The following ECH1 variants were observed in gnomAD, a reference collection of about 807,000 sequenced individuals.
ECH1 encodes enoyl-CoA hydratase 1, also known as delta(3,5)-Delta(2,4)-dienoyl-CoA isomerase, mitochondrial.
In ECH1, 30 loss-of-function variants were observed where a neutral mutation model predicts 37.0. That is an observed-to-expected ratio of 0.81 (90% confidence interval 0.61 to 1.10). ECH1 has a LOEUF of 1.10. ECH1 is among the 50% of genes least tolerant of loss of function. The pLI is 0.00. For synonymous variants in ECH1, 178 were observed against 176.0 expected (o/e 1.01, Z -0.09); for missense variants, 456 against 441.6 (o/e 1.03, Z -0.29).
At chr19:38,816,056 C>A in intron 8 of ECH1, 49 bp from the exon 9 acceptor site, 1 of 1,605,850 alleles carries the variant, frequency 6.2e-7, no homozygotes, top group African/African-American at 1.3e-5. Flanking sequence ...GGGCTCTCTC[C>A]TCCAGCCTCC....
In ECH1 at chr19:38,815,702, T is replaced by A; in HGVS notation, c.898A>T (p.Ser300Cys). ...SLNYVASWNM[S>C]MLQTQDLVKS... ...ACGAGGTCTTGGGTCTGCAGCATGC[T>A]CATGTTCCAGGACGCCTGGTACCGA... Residue 300 changes from serine (S) to cysteine (C), a missense_variant, in exon 10 of 10, where the codon AGC becomes TGC. Physicochemically the swap from Ser to Cys is moderately radical, Grantham distance 112 (BLOSUM62 -1). Transcript: ENST00000221418. 6.2e-7 allele frequency: 1 copy of A among 1,614,142 alleles called. No homozygotes were observed. Among genetic ancestry groups the A allele is most frequent in the Non-Finnish European group, 8.5e-7 (1 of 1,180,030 alleles).
intron 3 of ECH1, among the ~76,000 whole-genome samples, chr19:38,821,574 C>T (rs984158448): frequency 3.9e-5 from 6 of 152,148 alleles, no homozygotes; most frequent in South Asian, 2.1e-4. Flanking sequence ...GTGAGCTCGG[C>T]GACCCCGCAC....
intron 6 of ECH1, chr19:38,816,815 C>G: frequency 1.6e-6 from 1 of 623,906 alleles, no homozygotes; most frequent in Non-Finnish European, 2.8e-6. Flanking sequence ...CTGCATCCCC[C>G]GGCTCCATCC....
intron 1 of ECH1, 82 bp downstream of exon 1, chr19:38,831,639 C>T (rs967424960): frequency 1.1e-5 from 17 of 1,587,968 alleles, no homozygotes; most frequent in African/African-American, 1.3e-5. Context: ...CCCTTCGTGA[C>T]CCCGGATAGC....
chr19:38,817,151 T>C (rs752720527), intron 5 of ECH1, 22 bp from the exon 6 acceptor site: 1 of 1,560,024 alleles, frequency 6.4e-7, no homozygotes, highest in Non-Finnish European at 8.7e-7. Flanking sequence ...AGGCCAGGGA[T>C]GCTGAATGAC....
intron 3 of ECH1, among the ~76,000 whole-genome samples, chr19:38,821,318 G>T (rs1778927441): frequency 6.6e-6 from 1 of 152,116 alleles, no homozygotes; most frequent in African/African-American, 2.4e-5. Context: ...AAAAATGAAA[G>T]AAAGAGAGAG....
At chr19:38,817,926 C>T (rs773874602) in intron 3 of ECH1, among the ~76,000 whole-genome samples, 2 of 152,154 alleles carry the variant, frequency 1.3e-5, no homozygotes, top group Non-Finnish European at 2.9e-5. Context: ...TAAATTAACT[C>T]ATTAATGTTT....
In ECH1 at chr19:38,831,648, G is replaced by A. The variant is rs977520191; in HGVS notation, c.52+73C>T. On this transcript the variant is annotated intron_variant, in intron 1 of 9. Transcript: ENST00000221418. ...CTCGGGCCCTTCGTGACCCCGGATA[G>A]CCCTCCCCGTCCTACATCTGCTATA... 6.3e-6 allele frequency: 10 copies of A among 1,594,948 alleles called. No homozygotes were observed. The East Asian group carries it at 2.0e-4, about 33-fold the overall frequency.
At chr19:38,817,658 C>G (rs1269442688) in intron 3 of ECH1, 83 bp from the exon 4 acceptor site, 15 of 1,471,092 alleles carry the variant, frequency 1.0e-5, no homozygotes, top group Non-Finnish European at 1.4e-5. Flanking sequence ...CCAGGCACAG[C>G]AGGTTCGAAC....
intron 3 of ECH1, among the ~76,000 whole-genome samples, chr19:38,819,699 A>G (rs1971633478): frequency 6.6e-6 from 1 of 152,104 alleles, no homozygotes. Flanking sequence ...CAATCCCAGC[A>G]CTTTGGAAGG....
At chr19:38,822,803 G>T (rs1384563905) in intron 3 of ECH1, among the ~76,000 whole-genome samples, 1 of 152,252 alleles carries the variant, frequency 6.6e-6, no homozygotes, top group Non-Finnish European at 1.5e-5. Flanking sequence ...GGTGGGGACA[G>T]ATAAGGGAAT....
In ECH1 at chr19:38,815,533, T is replaced by C; in HGVS notation, c.*80A>G. On this transcript the variant is annotated 3_prime_UTR_variant, in exon 10 of 10. Coordinates refer to ENST00000221418, the MANE Select transcript of ECH1 (RefSeq NM_001398.3). ...CTGGGTCAGAAGGCATAGAAACAAC[T>C]GTCATCGCCCATCCTCCCTTTCTGT... is the stretch of plus-strand genomic sequence containing the variant. The C allele has an allele frequency of 7.2e-7, 1 of 1,380,186 alleles. No homozygotes were observed. The allele number at this position is 1,380,186 out of a possible 1,614,324, so 85.5% of individuals were successfully genotyped here. A position where few individuals can be genotyped will look rare whatever the true frequency, so the allele number is the denominator to read the frequency against.
intron 3 of ECH1, chr19:38,818,339 A>G (rs1180385302): frequency 3.0e-6 from 3 of 985,162 alleles, no homozygotes; most frequent in Non-Finnish European, 3.6e-6. Context: ...CAACTTCAAG[A>G]TGATCCTGAA....
intron 6 of ECH1, 162 bp downstream of exon 6, chr19:38,816,903 C>T: frequency 1.2e-6 from 1 of 819,446 alleles, no homozygotes; most frequent in Admixed American, 2.3e-5. Flanking sequence ...CCACCTCATA[C>T]CTTACCCACT....
chr19:38,830,633 G>A (rs1971804657), intron 3 of ECH1, among the ~76,000 whole-genome samples: 1 of 143,124 alleles, frequency 7.0e-6, no homozygotes, highest in African/African-American at 2.6e-5. Context: ...CTGGGTGACA[G>A]AGAAAGATAT....
chr19:38,815,490 A>G lies in ECH1; in HGVS notation c.*123T>C. The stretch of plus-strand genomic sequence containing the variant: ...TGGGCTTGAGAAACTCATTGTCATA[A>G]AGTTATAAACTGGGAAACTGGGTCA... On this transcript the variant is annotated 3_prime_UTR_variant, in exon 10 of 10. Transcript: ENST00000221418. 1.1e-6 allele frequency: 1 copy of G among 901,978 alleles called. No homozygotes were observed. Among genetic ancestry groups the G allele is most frequent in the Non-Finnish European group, 1.7e-6 (1 of 576,626 alleles). 55.9% of individuals were successfully genotyped at this position (901,978 alleles called of 1,614,324 possible).
intron 6 of ECH1, 79 bp from the exon 7 acceptor site, chr19:38,816,602 T>G: frequency 1.3e-6 from 2 of 1,515,650 alleles, no homozygotes; most frequent in Non-Finnish European, 1.8e-6. Flanking sequence ...TGAAATTTCA[T>G]GTCTACTGGA....
intron 8 of ECH1, 58 bp from the exon 9 acceptor site, chr19:38,816,065 C>T (rs1971571025): frequency 1.2e-6 from 2 of 1,601,394 alleles, no homozygotes; most frequent in Admixed American, 3.4e-5. Flanking sequence ...CCTCCAGCCT[C>T]CCGCAGATGA....
rs1252141131 is a variant in ECH1 at position 38,831,114 on chromosome 19, C to T, written c.313G>A (p.Val105Met). Residue 105 changes from valine (V) to methionine (M), a missense_variant, in exon 3 of 10, where the codon GTG becomes ATG. Transcript: ENST00000221418. ...KISRDADCRA[V>M]VISGAGKMFT... ...ATTTTTCCTGCACCAGAGATCACCA[C>T]CGCCCGACAGTCAGCGTCTCTCGAA... is the stretch of plus-strand genomic sequence containing the variant. 6.2e-7 allele frequency: 1 copy of T among 1,614,028 alleles called. No individual in the cohort carries two copies. The highest frequency in any genetic ancestry group is 8.5e-7 in the Non-Finnish European group (1 of 1,180,024).
Sources: allele counts gnomAD v4.1 joint callset (sites outside exome capture counted in the v4.1 genomes callset), GRCh38; gene constraint gnomAD v4.1.1; transcripts MANE v1.5; gene names NCBI Gene and HGNC (gene_info 2026-07-23, HGNC 2026-07-21).